PTPRM: variants seen among roughly 807,000 people sequenced by gnomAD.
The protein encoded by PTPRM is receptor-type tyrosine-protein phosphatase mu.
PTPRM carries 47 observed loss-of-function variants against 186.7 expected under a neutral mutation model. The ratio of observed to expected loss-of-function variants is 0.25; its 90% CI spans 0.20 to 0.32. The LOEUF is 0.32. PTPRM is among the 10% of genes least tolerant of loss of function. The pLI is 1.00. For missense variants in PTPRM, 1,494 were observed against 1,865.0 expected (o/e 0.80, Z 3.66); for synonymous variants, 668 against 674.9 (o/e 0.99, Z 0.16).
At chr18:7,703,291 C>T (rs1024950213) in intron 1 of PTPRM, among the ~76,000 whole-genome samples, 1 of 152,118 alleles carries the variant, frequency 6.6e-6, no homozygotes, top group Non-Finnish European at 1.5e-5. Flanking sequence ...ATTGATTCTT[C>T]CCATCCATGA....
At chr18:7,838,733 C>T (rs1048022950) in intron 2 of PTPRM, among the ~76,000 whole-genome samples, 3 of 152,222 alleles carry the variant, frequency 2.0e-5, no homozygotes, top group Non-Finnish European at 4.4e-5. Flanking sequence ...GCCAGTCAGG[C>T]CTGCCTCCTT....
At chr18:7,773,357 C>G (rs2042418316) in intron 1 of PTPRM, among the ~76,000 whole-genome samples, 1 of 151,956 alleles carries the variant, frequency 6.6e-6, no homozygotes, top group Non-Finnish European at 1.5e-5. Context: ...GCATTTTGTC[C>G]TCTATTATTG....
intron 7 of PTPRM, among the ~76,000 whole-genome samples, chr18:7,987,650 G>A (rs1440171227): frequency 1.3e-5 from 2 of 152,074 alleles, no homozygotes; most frequent in African/African-American, 4.8e-5. Flanking sequence ...ATTAACCTGG[G>A]AGGTGCTTTC....
chr18:8,100,483 A>G (rs914860839), intron 11 of PTPRM, among the ~76,000 whole-genome samples: 1 of 152,200 alleles, frequency 6.6e-6, no homozygotes, highest in Non-Finnish European at 1.5e-5. Context: ...GTGCAAACTC[A>G]GAGTGAGATA....
chr18:7,982,069 A>G (rs1473976946), intron 7 of PTPRM, among the ~76,000 whole-genome samples: 3 of 152,176 alleles, frequency 2.0e-5, no homozygotes, highest in Non-Finnish European at 4.4e-5. Context: ...CTTAGGTTAC[A>G]TTAAATTTAT....
At chr18:8,145,885 C>G (rs1323995480) in intron 14 of PTPRM, among the ~76,000 whole-genome samples, 1 of 152,174 alleles carries the variant, frequency 6.6e-6, no homozygotes, top group Admixed American at 6.5e-5. Context: ...ATTTGTAGTT[C>G]TAGGTCCTTG....
chr18:7,853,513 A>G (rs1284275718), intron 2 of PTPRM, among the ~76,000 whole-genome samples: 2 of 152,338 alleles, frequency 1.3e-5, no homozygotes, highest in East Asian at 1.9e-4. Context: ...ATGAAAGCAT[A>G]CCAGGAAGAG....
chr18:8,137,651 A>T (rs1016204870), intron 13 of PTPRM, among the ~76,000 whole-genome samples: 1 of 152,128 alleles, frequency 6.6e-6, no homozygotes, highest in African/African-American at 2.4e-5. Context: ...CCATCCCACC[A>T]TAAAGCCTCA....
intron 1 of PTPRM, among the ~76,000 whole-genome samples, chr18:7,704,632 G>A (rs2040037989): frequency 6.6e-6 from 1 of 152,026 alleles, no homozygotes; most frequent in African/African-American, 2.4e-5. Flanking sequence ...GAAGTGCAAA[G>A]AGAAAATAAG....
chr18:7,873,689 TG>T (rs1388675874), intron 2 of PTPRM, among the ~76,000 whole-genome samples: 1 of 152,222 alleles, frequency 6.6e-6, no homozygotes, highest in Admixed American at 6.5e-5. Context: ...TCTTTTGGGC[TG>T]GAAGCTGCTT....
intron 7 of PTPRM, among the ~76,000 whole-genome samples, chr18:8,040,171 G>A (rs2086602099): frequency 6.6e-6 from 1 of 152,168 alleles, no homozygotes; most frequent in Non-Finnish European, 1.5e-5. Flanking sequence ...TGAGCATGTG[G>A]AGGGTAAAGA....
intron 1 of PTPRM, among the ~76,000 whole-genome samples, chr18:7,758,853 T>C (rs898271864): frequency 1.3e-5 from 2 of 152,178 alleles, no homozygotes; most frequent in African/African-American, 4.8e-5. Flanking sequence ...ATCAGTGAAG[T>C]GTACTGCTGA....
At chr18:7,609,693 G>A (rs2037625401) in intron 1 of PTPRM, among the ~76,000 whole-genome samples, 1 of 152,096 alleles carries the variant, frequency 6.6e-6, no homozygotes, top group Admixed American at 6.5e-5. Context: ...GACAGTTTCT[G>A]ATCTACTGCC....
chr18:7,949,391 A>G (rs1015565037), intron 6 of PTPRM, 36 bp downstream of exon 6: 6 of 1,549,320 alleles, frequency 3.9e-6, no homozygotes, highest in Non-Finnish European at 5.3e-6. Flanking sequence ...ATATTCTTCT[A>G]AAGTAGATAT....
intron 1 of PTPRM, among the ~76,000 whole-genome samples, chr18:7,587,738 A>G (rs1338019566): frequency 6.6e-6 from 1 of 152,158 alleles, no homozygotes; most frequent in East Asian, 1.9e-4. Context: ...ATTTATATAA[A>G]TAAATACACA....
intron 29 of PTPRM, among the ~76,000 whole-genome samples, chr18:8,381,832 A>C (rs1396736504): frequency 6.6e-6 from 1 of 152,236 alleles, no homozygotes; most frequent in Non-Finnish European, 1.5e-5. Context: ...CTTCTTCCTT[A>C]TTTAGAATCA....
chr18:8,076,117 T>C (rs188754316), intron 8 of PTPRM, among the ~76,000 whole-genome samples: 4 of 152,296 alleles, frequency 2.6e-5, no homozygotes, highest in East Asian at 3.9e-4. Flanking sequence ...CCAAGGTGGC[T>C]CTACCAGTTT....
At chr18:7,874,192 A>G (rs528510420) in intron 2 of PTPRM, among the ~76,000 whole-genome samples, 21 of 152,282 alleles carry the variant, frequency 1.4e-4, no homozygotes, top group South Asian at 8.3e-4. Context: ...GAAACATACT[A>G]TTGTCTAAAT....
chr18:7,802,036 C>G (rs1410769425), intron 2 of PTPRM, among the ~76,000 whole-genome samples: 2 of 152,132 alleles, frequency 1.3e-5, no homozygotes, highest in Non-Finnish European at 2.9e-5. Context: ...TTAGAAATAT[C>G]CTATGTCCTT....
Sources: allele counts gnomAD v4.1 joint callset (sites outside exome capture counted in the v4.1 genomes callset), GRCh38; gene constraint gnomAD v4.1.1; transcripts MANE v1.5; gene names NCBI Gene and HGNC (gene_info 2026-07-23, HGNC 2026-07-21).